TRIP12: variants seen among roughly 807,000 people sequenced by gnomAD.
The protein encoded by TRIP12 is thyroid hormone receptor interactor 12.
In TRIP12, 25 loss-of-function variants were observed where a neutral mutation model predicts 244.2. The observed-to-expected ratio is 0.10, with a 90% confidence interval of 0.07 to 0.14. The LOEUF (loss-of-function observed/expected upper bound fraction) is 0.14, where lower values mean the gene tolerates loss of function less well. TRIP12 is among the 10% of genes least tolerant of loss of function. The pLI is 1.00. For missense variants in TRIP12, 1,677 were observed against 2,486.4 expected (o/e 0.67, Z 6.92); for synonymous variants, 905 against 873.1 (o/e 1.04, Z -0.64).
chr2:229,771,189 T>C (rs2034185259), intron 39 of TRIP12, among the ~76,000 whole-genome samples: 1 of 152,250 alleles, frequency 6.6e-6, no homozygotes, highest in South Asian at 2.1e-4. Flanking sequence ...CATGTCTCTC[T>C]TTGCTTCCAC....
chr2:229,803,736 G>C, intron 19 of TRIP12, 47 bp from the exon 20 acceptor site: 1 of 1,407,540 alleles, frequency 7.1e-7, no homozygotes, highest in Non-Finnish European at 9.8e-7. Flanking sequence ...TGAATTTGAT[G>C]ATTATTTTTG....
intron 1 of TRIP12, among the ~76,000 whole-genome samples, chr2:229,884,835 A>C (rs1047280302): frequency 6.6e-6 from 1 of 152,102 alleles, no homozygotes; most frequent in Non-Finnish European, 1.5e-5. Flanking sequence ...GCCAGGCAGG[A>C]CGGTGCACAC....
chr2:229,894,225 C>T (rs1401652333), intron 1 of TRIP12: 1 of 152,090 alleles, frequency 6.6e-6, no homozygotes, highest in Non-Finnish European at 1.5e-5. Flanking sequence ...ACGTATTTCC[C>T]TAATAACTAA....
At chr2:229,902,697 T>C (rs2071337782) in intron 1 of TRIP12, among the ~76,000 whole-genome samples, 1 of 152,220 alleles carries the variant, frequency 6.6e-6, no homozygotes, top group African/African-American at 2.4e-5. Flanking sequence ...AATTTAACAA[T>C]ATTATTCTGA....
At chr2:229,905,754 T>C (rs1017865619) in intron 1 of TRIP12, among the ~76,000 whole-genome samples, 5 of 152,096 alleles carry the variant, frequency 3.3e-5, no homozygotes, top group African/African-American at 7.2e-5. Flanking sequence ...GAGGAGGGTG[T>C]AGCTCACAGT....
rs532847931 is a variant in TRIP12 at position 229,860,181 on chromosome 2, G to A, written c.224+225C>T. Among the ~76,000 whole-genome samples the A allele has an allele frequency of 1.9e-3, 293 of 152,114 alleles. 3 individuals are homozygous for A. Among genetic ancestry groups the A allele is most frequent in the South Asian group, 0.013 (65 of 4,816 alleles). ...TTGTTAAGCAAAGGGGGAATCTTAC[G>A]GCTCTCCAAACAAAAATATCATTTT... is the stretch of plus-strand genomic sequence containing the variant. On this transcript the variant is annotated intron_variant, in intron 3 of 41. Coordinates refer to ENST00000675903, the MANE Select transcript of TRIP12 (RefSeq NM_001348323.3).
In TRIP12 at chr2:229,815,023, G is replaced by A. The variant is rs2048153591; in HGVS notation, c.1731+76C>T. 3.6e-6 allele frequency: 4 copies of A among 1,108,008 alleles called. No homozygotes were observed. The South Asian group carries it at 4.4e-5, about 12-fold the overall frequency. The allele number at this position is 1,108,008 out of a possible 1,614,324, so 68.6% of individuals were successfully genotyped here. Reference sequence around the variant, plus strand: ...AAAAAATATACTTTATTTAGAAAATGAAAGCTAAAATTCAAGAGTTTGAAA... The same window carrying A: ...AAAAAATATACTTTATTTAGAAAATAAAAGCTAAAATTCAAGAGTTTGAAA... On this transcript the variant is annotated intron_variant, in intron 11 of 41. Coordinates refer to ENST00000675903, the MANE Select transcript of TRIP12 (RefSeq NM_001348323.3).
At chr2:229,800,643 C>A (rs1187669368) in intron 21 of TRIP12, among the ~76,000 whole-genome samples, 2 of 152,044 alleles carry the variant, frequency 1.3e-5, no homozygotes, top group Non-Finnish European at 2.9e-5. Flanking sequence ...TAATATGGAA[C>A]CACTTAAAAC....
At chr2:229,867,131 T>G (rs554864701) in intron 2 of TRIP12, among the ~76,000 whole-genome samples, 1 of 148,090 alleles carries the variant, frequency 6.8e-6, no homozygotes, top group Non-Finnish European at 1.5e-5. Context: ...AAGTGTAGGC[T>G]ATGGTCAGAC....
chr2:229,877,121 T>C (rs968052987), intron 2 of TRIP12, among the ~76,000 whole-genome samples: 2 of 152,044 alleles, frequency 1.3e-5, no homozygotes, highest in Non-Finnish European at 2.9e-5. Flanking sequence ...CTGGGCATAC[T>C]GGCAGGCGCC....
At chr2:229,772,512 G>A (rs956405894) in intron 38 of TRIP12, among the ~76,000 whole-genome samples, 1 of 152,122 alleles carries the variant, frequency 6.6e-6, no homozygotes, top group Non-Finnish European at 1.5e-5. Context: ...CGCCTAGGCT[G>A]GAGTGCAGTG....
chr2:229,855,992 C>T (rs926289380), intron 4 of TRIP12, among the ~76,000 whole-genome samples: 3 of 150,932 alleles, frequency 2.0e-5, no homozygotes, highest in Non-Finnish European at 4.4e-5. Flanking sequence ...GAGCCAACTG[C>T]GCCACTACAC....
rs2064504059 is a variant in TRIP12, at chr2:229,880,046, A to G, written c.34T>C (p.Ser12Pro). ...SNRPNNNPGG[S>P]LRRSQRNTAG... ...GTGTTCCTCTGTGAACGTCGCAGTG[A>G]CCCCCCTGGATTGTTATTAGGCCGG... The change falls in exon 2 of 42, where the codon TCA becomes CCA. Residue 12 changes from serine (S) to proline (P), a missense_variant. By Grantham distance (74) the Ser-to-Pro change is moderately conservative (BLOSUM62 -1). This residue lies in a region of TRIP12 where 387 missense variants were observed against 392.6 expected (regional missense o/e 0.99). Coordinates refer to ENST00000675903, the MANE Select transcript of TRIP12 (RefSeq NM_001348323.3). The G allele has an allele frequency of 1.2e-6, 2 of 1,613,632 alleles. No individual in the cohort carries two copies. The highest frequency in any genetic ancestry group is 2.7e-5 in the African/African-American group (2 of 74,736).
chr2:229,809,419 CAT>C, intron 15 of TRIP12, among the ~76,000 whole-genome samples: 1 of 152,080 alleles, frequency 6.6e-6, no homozygotes, highest in African/African-American at 2.4e-5. Context: ...ATATGATAAA[CAT>C]GTGGTAAACT....
chr2:229,765,627 T>C lies in TRIP12; in HGVS notation c.*1927A>G, dbSNP rs1450832045. 1.3e-5 allele frequency: 2 copies of C among 152,230 alleles called. No individual in the cohort carries two copies. Among genetic ancestry groups the C allele is most frequent in the African/African-American group, 2.4e-5 (1 of 41,460 alleles). The allele number at this position is 152,230 out of a possible 1,614,324, so 9.4% of individuals were successfully genotyped here. A position where few individuals can be genotyped will look rare whatever the true frequency, so the allele number is the denominator to read the frequency against. Reference sequence around the variant, plus strand: ...TGAAACATTATTTTGTTTATACATGTCTAAATTTTAACAGAACCCTTTAAA... The same window carrying C: ...TGAAACATTATTTTGTTTATACATGCCTAAATTTTAACAGAACCCTTTAAA... On this transcript the variant is annotated 3_prime_UTR_variant, in exon 42 of 42. Transcript: ENST00000675903.
chr2:229,836,560 T>C (rs556392241), intron 6 of TRIP12, among the ~76,000 whole-genome samples: 3 of 152,204 alleles, frequency 2.0e-5, no homozygotes, highest in African/African-American at 7.2e-5. Context: ...TTACTATGAA[T>C]TTAAATTCTT....
At chr2:229,807,396 T>C (rs921272156) in intron 17 of TRIP12, 11 of 339,218 alleles carry the variant, frequency 3.2e-5, no homozygotes, top group African/African-American at 1.3e-4. Flanking sequence ...TGATAGAAGA[T>C]AGATAAATTT....
At chr2:229,858,001 T>C (rs2059895971) in intron 4 of TRIP12, among the ~76,000 whole-genome samples, 1 of 152,306 alleles carries the variant, frequency 6.6e-6, no homozygotes, top group South Asian at 2.1e-4. Context: ...AAAGTTTAAT[T>C]TACATTGAGG....
intron 2 of TRIP12, among the ~76,000 whole-genome samples, chr2:229,876,103 G>A (rs763907885): frequency 6.6e-6 from 1 of 152,058 alleles, no homozygotes; most frequent in South Asian, 2.1e-4. Flanking sequence ...GTGAAACCTC[G>A]TCTTTACTAA....
Sources: allele counts gnomAD v4.1 joint callset (sites outside exome capture counted in the v4.1 genomes callset), GRCh38; gene constraint gnomAD v4.1.1; regional missense constraint gnomAD v4.1.1; transcripts MANE v1.5; gene names NCBI Gene and HGNC (gene_info 2026-07-23, HGNC 2026-07-21).